The following SLC22A23 variants were observed in gnomAD, a reference collection of about 807,000 sequenced individuals.
SLC22A23 encodes the protein ion transporter protein.
Under a neutral mutation model 61.0 loss-of-function variants are expected in SLC22A23, and 26 were observed. The observed-to-expected ratio is 0.43, with a 90% CI of 0.31 to 0.59. SLC22A23 has a LOEUF of 0.59. SLC22A23 is among the 20% of genes least tolerant of loss of function. SLC22A23 has a pLI of 0.11. For missense variants in SLC22A23, 796 were observed against 934.7 expected (o/e 0.85, Z 1.94); for synonymous variants, 430 against 413.9 (o/e 1.04, Z -0.47).
Position 3,323,942 on chromosome 6 carries a change from G to A in SLC22A23, c.974C>T (p.Ala325Val). Residue 325 changes from alanine (A) to valine (V), a missense_variant, in exon 4 of 10, where the codon GCC becomes GTC. Physicochemically the swap from Ala to Val is moderately conservative, Grantham distance 64. Coordinates refer to ENST00000406686, the MANE Select transcript of SLC22A23 (RefSeq NM_015482.2). ...AGGCATGAGGAACTGGCCCGCCATG[G>A]CCACGAAGCTCGCCACCATCGTAAT... The part of the protein sequence containing the change: ...FMITMVASFV[A>V]MAGQFLMPGL... 1.2e-6 allele frequency: 2 copies of A among 1,614,244 alleles called. No individual in the cohort carries two copies. Among genetic ancestry groups the A allele is most frequent in the Non-Finnish European group, 1.7e-6 (2 of 1,180,048 alleles).
chr6:3,420,121 CATG>C (rs1367167319), intron 1 of SLC22A23, among the ~76,000 whole-genome samples: 2 of 151,610 alleles, frequency 1.3e-5, no homozygotes, highest in African/African-American at 4.8e-5. Flanking sequence ...CAGGGACATT[CATG>C]ATGATGCCAT....
Position 3,410,278 on chromosome 6 carries a change from C to T in SLC22A23, c.823G>A (p.Ala275Thr), listed in dbSNP as rs1473666410. Residue 275 changes from alanine to threonine, a missense_variant, in exon 3 of 10, where the codon GCA (alanine) becomes ACA (threonine). Transcript: ENST00000406686. The surrounding 1 kb of genome is among the most constrained non-coding windows in gnomAD (Gnocchi z 5.0). ...AACATTGTCACATTCACTGACAGTGCCACAGTCAGTCCAAAGATCAGAATG... is the reference window on the plus strand; with the variant it reads ...AACATTGTCACATTCACTGACAGTGTCACAGTCAGTCCAAAGATCAGAATG... ...IFILIFGLTV[A>T]LSVNVTMFST... The T allele has an allele frequency of 1.2e-6, 2 of 1,613,606 alleles. No homozygotes were observed.
At chr6:3,417,408 C>T (rs779031485) in intron 1 of SLC22A23, among the ~76,000 whole-genome samples, 7 of 152,166 alleles carry the variant, frequency 4.6e-5, no homozygotes, top group African/African-American at 9.7e-5. Context: ...CAATAAAAGA[C>T]GGCTTGGAAT....
At chr6:3,433,013 T>G (rs76682002) in intron 1 of SLC22A23, among the ~76,000 whole-genome samples, 3,496 of 152,332 alleles carry the variant, frequency 0.023, 132 homozygotes, top group African/African-American at 0.078. Flanking sequence ...TGCAGCTGGC[T>G]GTGGGCTGGG....
chr6:3,359,103 T>C (rs4959235), intron 3 of SLC22A23, among the ~76,000 whole-genome samples: 144,331 of 152,262 alleles, frequency 0.95, 68,575 homozygotes, highest in East Asian at 1. Context: ...TTTAGTGCAA[T>C]ACAGAGACGT....
In SLC22A23 at chr6:3,272,975, G is replaced by T. The variant is rs1758570457; in HGVS notation, c.*80C>A. 2 of 1,297,416 alleles carry T rather than the reference G, an allele frequency of 1.5e-6. No homozygotes were observed. Among genetic ancestry groups the T allele is most frequent in the Non-Finnish European group, 2.1e-6 (2 of 956,076 alleles). 80.4% of individuals were successfully genotyped at this position (1,297,416 alleles called of 1,614,324 possible). ...TGGCTGAGGCAGCTTTCCCACCCCTGGCTGCGTGTTCGGTCCCTGGTCTGT... is the reference window on the plus strand; with the variant it reads ...TGGCTGAGGCAGCTTTCCCACCCCTTGCTGCGTGTTCGGTCCCTGGTCTGT... On this transcript the variant is annotated 3_prime_UTR_variant, in exon 10 of 10. Transcript: ENST00000406686.
intron 3 of SLC22A23, among the ~76,000 whole-genome samples, chr6:3,405,263 A>T (rs1768732720): frequency 6.6e-6 from 1 of 151,604 alleles, no homozygotes; most frequent in African/African-American, 2.4e-5. Context: ...TGTCTCAAAA[A>T]ATTTAAAAAA....
chr6:3,442,815 T>TA (rs1258414261), intron 1 of SLC22A23, among the ~76,000 whole-genome samples: 3 of 146,296 alleles, frequency 2.1e-5, no homozygotes, highest in Non-Finnish European at 4.6e-5. Flanking sequence ...CCCACTTTAT[T>TA]TAAAAAAAAA....
chr6:3,366,372 A>T (rs577895288), intron 3 of SLC22A23, among the ~76,000 whole-genome samples: 30 of 144,176 alleles, frequency 2.1e-4, no homozygotes, highest in Admixed American at 1.7e-3. Context: ...GAAAGAAAGA[A>T]AGAGAAGGGT....
chr6:3,451,137 A>C (rs1197313246), intron 1 of SLC22A23, among the ~76,000 whole-genome samples: 2 of 152,248 alleles, frequency 1.3e-5, no homozygotes, highest in Non-Finnish European at 2.9e-5. Flanking sequence ...AGATTACTCA[A>C]GAAAGTGCTG....
intron 3 of SLC22A23, among the ~76,000 whole-genome samples, chr6:3,391,511 GTGTTCCATGAATTCATTCATTCATCA>G (rs1204430360): frequency 5.9e-5 from 9 of 152,094 alleles, no homozygotes; most frequent in African/African-American, 1.7e-4. Flanking sequence ...GATCTTCATC[GTGTTCCATGAATTCATTCATTCATCA>G]TGTTCCATGA....
intron 3 of SLC22A23, among the ~76,000 whole-genome samples, chr6:3,409,721 C>T (rs560274290): frequency 6.6e-6 from 1 of 152,292 alleles, no homozygotes; most frequent in African/African-American, 2.4e-5. Flanking sequence ...AGACCAAATA[C>T]TAGCTAATGC....
intron 1 of SLC22A23, among the ~76,000 whole-genome samples, chr6:3,436,191 G>T (rs1038715480): frequency 6.6e-6 from 1 of 152,004 alleles, no homozygotes; most frequent in African/African-American, 2.4e-5. Context: ...TCAATCTGGA[G>T]TGCAATGGTG....
intron 4 of SLC22A23, among the ~76,000 whole-genome samples, chr6:3,307,539 G>A (rs749000948): frequency 3.3e-5 from 5 of 152,254 alleles, no homozygotes; most frequent in South Asian, 2.1e-4. Context: ...GGAGCCCTGC[G>A]GATGTTCCAC....
intron 3 of SLC22A23, among the ~76,000 whole-genome samples, chr6:3,389,882 T>A (rs1767556985): frequency 6.6e-6 from 1 of 152,270 alleles, no homozygotes; most frequent in Non-Finnish European, 1.5e-5. Context: ...GAGAACGGCC[T>A]TGCTGGAACC....
chr6:3,430,430 G>A (rs942787493), intron 1 of SLC22A23, among the ~76,000 whole-genome samples: 58 of 152,098 alleles, frequency 3.8e-4, no homozygotes, highest in Non-Finnish European at 1.0e-4. Flanking sequence ...TCCTGGCCTT[G>A]TGTAAATACG....
intron 4 of SLC22A23, among the ~76,000 whole-genome samples, chr6:3,321,160 T>C (rs1762924372): frequency 6.6e-6 from 1 of 152,188 alleles, no homozygotes; most frequent in Admixed American, 6.5e-5. Context: ...ATGCATATGT[T>C]TTCCGTGCGT....
At chr6:3,349,156 C>T (rs916367854) in intron 3 of SLC22A23, among the ~76,000 whole-genome samples, 2 of 152,216 alleles carry the variant, frequency 1.3e-5, no homozygotes, top group Admixed American at 6.5e-5. Flanking sequence ...GCCAACTGGC[C>T]GCGGGGCACT....
chr6:3,387,572 G>A lies in SLC22A23; in HGVS notation c.913+22616C>T, dbSNP rs544062251. 7.8e-4 allele frequency among the ~76,000 whole-genome samples: 119 copies of A among 152,318 alleles called. 1 individual carries two copies. The highest frequency in any genetic ancestry group is 2.8e-3 in the African/African-American group (118 of 41,576). ...AAGTCCGTCGTTTAGTTAGTCCCAC[G>A]ACAACGTCCGTTTCTCAGCTCTGGG... On this transcript the variant is annotated intron_variant, in intron 3 of 9. Transcript: ENST00000406686. This position sits in a 1 kb window ranked among gnomAD's most constrained non-coding sequence, Gnocchi z 5.0.
Sources: allele counts gnomAD v4.1 joint callset (sites outside exome capture counted in the v4.1 genomes callset), GRCh38; gene constraint gnomAD v4.1.1; non-coding constraint Gnocchi (gnomAD v3.1); transcripts MANE v1.5; gene names NCBI Gene and HGNC (gene_info 2026-07-23, HGNC 2026-07-21).